FAIM2: variants seen among roughly 807,000 people sequenced by gnomAD.
FAIM2 encodes the protein protein lifeguard 2.
Under a neutral mutation model 47.4 loss-of-function variants are expected in FAIM2, and 27 were observed. That is an observed-to-expected ratio of 0.57 (90% confidence interval 0.42 to 0.78). FAIM2 has a LOEUF of 0.78. Ranked by LOEUF, FAIM2 falls within the 30% of genes least tolerant of loss-of-function variation. The probability of loss-of-function intolerance (pLI) is 0.00; values close to 1 mark genes in which losing one functional copy is unlikely to be tolerated. For missense variants in FAIM2, 311 were observed against 389.4 expected (o/e 0.80, Z 1.69); for synonymous variants, 156 against 159.3 (o/e 0.98, Z 0.16).
intron 11 of FAIM2, among the ~76,000 whole-genome samples, chr12:49,886,576 C>A (rs576202846): frequency 1.3e-5 from 2 of 152,188 alleles, no homozygotes; most frequent in East Asian, 3.9e-4. Context: ...CCCGGGTTCA[C>A]ACCATTCTCC....
intron 10 of FAIM2, among the ~76,000 whole-genome samples, chr12:49,887,755 G>A (rs1162683751): frequency 6.6e-6 from 1 of 152,022 alleles, no homozygotes; most frequent in Non-Finnish European, 1.5e-5. Flanking sequence ...CCTCTAGCCT[G>A]GGACTGCTTG....
At chr12:49,894,025 G>A (rs935460524) in intron 5 of FAIM2, among the ~76,000 whole-genome samples, 4 of 152,194 alleles carry the variant, frequency 2.6e-5, no homozygotes, top group African/African-American at 9.7e-5. Context: ...AGGGCAGAGG[G>A]GCCAAAGACC....
chr12:49,897,766 C>CG (rs199784497), intron 3 of FAIM2, among the ~76,000 whole-genome samples, 183 bp from the exon 4 acceptor site: 14 of 151,378 alleles, frequency 9.2e-5, no homozygotes, highest in Admixed American at 3.3e-4. Context: ...CCAAGCGCAC[C>CG]CCCCCCCAGC....
intron 10 of FAIM2, among the ~76,000 whole-genome samples, chr12:49,888,602 G>A (rs188451144): frequency 6.6e-6 from 1 of 152,284 alleles, no homozygotes; most frequent in East Asian, 1.9e-4. Flanking sequence ...CTCTAAAAGA[G>A]CTGAGACTTG....
chr12:49,882,734 G>T (rs1946834877), intron 11 of FAIM2, among the ~76,000 whole-genome samples: 1 of 152,070 alleles, frequency 6.6e-6, no homozygotes, highest in African/African-American at 2.4e-5. Flanking sequence ...ACCTCCGTGG[G>T]CCTGGCCCTG....
At chr12:49,888,855 AG>A (rs1400431255) in intron 10 of FAIM2, among the ~76,000 whole-genome samples, 2 of 152,180 alleles carry the variant, frequency 1.3e-5, no homozygotes, top group East Asian at 3.9e-4. Context: ...CACCCCACAG[AG>A]GAGGACGGGA....
At chr12:49,896,056 T>C (rs1343989179) in intron 5 of FAIM2, among the ~76,000 whole-genome samples, 1 of 152,190 alleles carries the variant, frequency 6.6e-6, no homozygotes. Flanking sequence ...GCCCATCCTT[T>C]GGGGGGCGCC....
intron 5 of FAIM2, among the ~76,000 whole-genome samples, chr12:49,891,324 T>A (rs1330623076): frequency 6.6e-6 from 1 of 152,174 alleles, no homozygotes; most frequent in Non-Finnish European, 1.5e-5. Flanking sequence ...AGCCTGCTTC[T>A]AGAAACAGGG....
At chr12:49,888,877 C>G (rs1025699236) in intron 10 of FAIM2, among the ~76,000 whole-genome samples, 1 of 152,200 alleles carries the variant, frequency 6.6e-6, no homozygotes, top group Non-Finnish European at 1.5e-5. Flanking sequence ...AAAGTGAAGC[C>G]GGATGTGGCT....
At chr12:49,880,533 C>A (rs1446754175) in intron 11 of FAIM2, among the ~76,000 whole-genome samples, 1 of 97,810 alleles carries the variant, frequency 1.0e-5, no homozygotes, top group African/African-American at 4.3e-5. Context: ...TGTATATGTG[C>A]GTGTGTATGT....
chr12:49,873,811 T>A (rs1035941568), intron 11 of FAIM2, among the ~76,000 whole-genome samples: 2 of 152,224 alleles, frequency 1.3e-5, no homozygotes, highest in African/African-American at 2.4e-5. Context: ...CTGACCAGTA[T>A]GACCCATCAC....
At chr12:49,885,422 T>G (rs887883777) in intron 11 of FAIM2, among the ~76,000 whole-genome samples, 3 of 152,156 alleles carry the variant, frequency 2.0e-5, no homozygotes, top group Non-Finnish European at 4.4e-5. Context: ...CCAGACTAGC[T>G]CTCCCGAATG....
chr12:49,882,124 G>A (rs984296336), intron 11 of FAIM2, among the ~76,000 whole-genome samples: 2 of 152,226 alleles, frequency 1.3e-5, no homozygotes, highest in Non-Finnish European at 2.9e-5. Flanking sequence ...GGCGACACAC[G>A]TGCCAGGGAC....
At position 49,867,960 on chromosome 12, in the gene FAIM2, A is replaced by C. The variant is rs1357055716; in HGVS notation, c.*2544T>G. The C allele has an allele frequency of 2.0e-5, 3 of 153,078 alleles. No homozygotes were observed. Among genetic ancestry groups the C allele is most frequent in the African/African-American group, 7.2e-5 (3 of 41,456 alleles). 9.5% of individuals were successfully genotyped at this position (153,078 alleles called of 1,614,324 possible). ...GCCCGGCTTCCCCAGCTCTGCAAAG[A>C]AGCCATTTCTCAAATGGCTGTGATG... is the stretch of plus-strand genomic sequence containing the variant. On this transcript the variant is annotated 3_prime_UTR_variant, in exon 12 of 12. Coordinates refer to ENST00000320634, the MANE Select transcript of FAIM2 (RefSeq NM_012306.4).
chr12:49,879,576 G>A (rs1228870423), intron 11 of FAIM2, among the ~76,000 whole-genome samples: 2 of 151,738 alleles, frequency 1.3e-5, no homozygotes, highest in African/African-American at 2.4e-5. Context: ...GTATATGTGC[G>A]TGTATATGTG....
chr12:49,898,053 T>C lies in FAIM2; in HGVS notation c.249A>G (p.Gly83=), dbSNP rs1946952362. The C allele has an allele frequency of 6.8e-6, 11 of 1,613,894 alleles. No individual in the cohort carries two copies. Among genetic ancestry groups the C allele is most frequent in the Non-Finnish European group, 8.5e-6 (10 of 1,179,964 alleles). The change falls in exon 3 of 12, where the codon GGA becomes GGG. Residue 83 remains glycine, a synonymous_variant. Transcript: ENST00000320634. ...TGAAAGTGGTGAAGAGCTCATGGTC[T>C]CCGGTGGGGAAACCGTTGTCATAGC... The part of the protein sequence containing the change: ...SSSYDNGFPT[G]DHELFTTFSW...
intron 1 of FAIM2, among the ~76,000 whole-genome samples, chr12:49,903,228 A>G (rs369982368): frequency 6.6e-6 from 1 of 152,228 alleles, no homozygotes; most frequent in Admixed American, 6.5e-5. Flanking sequence ...CCAAAACAAC[A>G]ATTAGAGCAT....
At chr12:49,898,180 G>C (rs914208574) in intron 2 of FAIM2, 90 bp from the exon 3 acceptor site, 1 of 714,770 alleles carries the variant, frequency 1.4e-6, no homozygotes, top group African/African-American at 3.0e-5. Flanking sequence ...CTGCCTTTTT[G>C]TCAACCTGGC....
Position 49,868,438 on chromosome 12 carries a change from CTT to C in FAIM2, c.*2064_*2065del, listed in dbSNP as rs1592780460. On this transcript the variant is annotated 3_prime_UTR_variant, in exon 12 of 12. Transcript: ENST00000320634. ...AAACCAGAAATCTTGCCTCCCAGCT[CTT>C]GTCTGGAAGATAGAAACCTCAGAGT... The C allele has an allele frequency of 6.6e-6, 1 of 152,338 alleles. No individual in the cohort carries two copies. The highest frequency in any genetic ancestry group is 1.9e-4 in the East Asian group (1 of 5,192). The allele number at this position is 152,338 out of a possible 1,614,324, so 9.4% of individuals were successfully genotyped here. A position where few individuals can be genotyped will look rare whatever the true frequency, so the allele number is the denominator to read the frequency against.
Sources: allele counts gnomAD v4.1 joint callset (sites outside exome capture counted in the v4.1 genomes callset), GRCh38; gene constraint gnomAD v4.1.1; transcripts MANE v1.5; gene names NCBI Gene and HGNC (gene_info 2026-07-23, HGNC 2026-07-21).